Variants in ITGAL observed in about 807,000 individuals in gnomAD.
The protein encoded by ITGAL is integrin subunit alpha L, also known as integrin alpha-L.
Under a neutral mutation model 138.4 loss-of-function variants are expected in ITGAL, and 68 were observed. The observed-to-expected ratio is 0.49, with a 90% CI of 0.40 to 0.60. The LOEUF (loss-of-function observed/expected upper bound fraction) is 0.60. Ranked by LOEUF, ITGAL falls within the 20% of genes least tolerant of loss-of-function variation. The pLI, the probability that ITGAL is intolerant of heterozygous loss-of-function variation, is 0.00. For missense variants in ITGAL, 1,256 were observed against 1,478.6 expected, an observed-to-expected ratio of 0.85 and a Z score of 2.47; for synonymous variants, 561 against 584.3, an observed-to-expected ratio of 0.96 and a Z score of 0.57.
At chr16:30,474,029 G>A (rs969096946) in intron 1 of ITGAL, 167 bp from the exon 2 acceptor site, 10 of 697,650 alleles carry the variant, frequency 1.4e-5, no homozygotes, top group Non-Finnish European at 2.4e-5. Context: ...TAGGGGGGCC[G>A]GGAGTTGCTC....
Position 30,474,860 on chromosome 16 carries a change from C to CTT in ITGAL, c.165-433_165-432dup, listed in dbSNP as rs58194640. On this transcript the variant is annotated intron_variant, in intron 2 of 30. Coordinates refer to ENST00000356798, the MANE Select transcript of ITGAL (RefSeq NM_002209.3). Reference sequence around the variant, plus strand: ...GGAGGCATCTTCTTTTTTTTTTTTTCTTTTTTTTTTTTTTGAGAGGGAGTT... The same window carrying CTT: ...GGAGGCATCTTCTTTTTTTTTTTTTCTTTTTTTTTTTTTTTTGAGAGGGAGTT... Among the ~76,000 whole-genome samples the CTT allele has an allele frequency of 1.8e-3, 206 of 114,314 alleles. 3 individuals carry two copies. The highest frequency in any genetic ancestry group is 4.5e-3 in the East Asian group (18 of 4,012). The allele number at this position is 114,314 out of a possible 152,430, so 75.0% of individuals were successfully genotyped here.
chr16:30,474,955 T>C (rs1182733043), intron 2 of ITGAL, among the ~76,000 whole-genome samples: 1 of 149,090 alleles, frequency 6.7e-6, no homozygotes, highest in Non-Finnish European at 1.5e-5. Flanking sequence ...GCCTCCCAGG[T>C]TCAAGCCATT....
intron 21 of ITGAL, among the ~76,000 whole-genome samples, chr16:30,507,229 G>A (rs1238061323): frequency 1.3e-5 from 2 of 152,148 alleles, no homozygotes; most frequent in South Asian, 2.1e-4. Context: ...GGAGGCCGAG[G>A]CGGGCGGATC....
intron 22 of ITGAL, 152 bp downstream of exon 22, chr16:30,510,623 G>A: frequency 3.2e-6 from 2 of 633,756 alleles, no homozygotes; most frequent in Non-Finnish European, 2.8e-6. Flanking sequence ...AATCTGTTCT[G>A]TGTCATGTTT....
chr16:30,480,087 G>T (rs1385540718), intron 6 of ITGAL, among the ~76,000 whole-genome samples: 1 of 152,056 alleles, frequency 6.6e-6, no homozygotes, highest in Admixed American at 6.6e-5. Flanking sequence ...GTGCACCACT[G>T]TGCGTGGCTA....
chr16:30,513,937 C>T lies in ITGAL; in HGVS notation c.2862+91C>T, dbSNP rs1185980519. 7 of 925,558 alleles carry T rather than the reference C, an allele frequency of 7.6e-6. No individual in the cohort carries two copies. The East Asian group carries it at 9.9e-5, about 13-fold the overall frequency. 57.3% of individuals were successfully genotyped at this position (925,558 alleles called of 1,614,324 possible). ...ATGCAGGCACCAAGTAGACACAGTA[C>T]TCATCCTAGCCATCCAACTGTTCAA... On this transcript the variant is annotated intron_variant, in intron 25 of 30. Coordinates refer to ENST00000356798, the MANE Select transcript of ITGAL (RefSeq NM_002209.3).
rs11574943 is a variant in ITGAL, at chr16:30,496,018, C to T, written c.1504-79C>T. The T allele has an allele frequency of 4.5e-3, 5,470 of 1,212,804 alleles. 154 individuals carry two copies. In the African/African-American group the frequency reaches 0.067, roughly 15 times the overall value. The allele number at this position is 1,212,804 out of a possible 1,614,324, so 75.1% of individuals were successfully genotyped here. A position where few individuals can be genotyped will look rare whatever the true frequency, so the allele number is the denominator to read the frequency against. ...CTGTGAGGGACCCCATCTTACGTTT[C>T]TTTAGCATTCTTCACTCAGTTGTTC... On this transcript the variant is annotated intron_variant, in intron 13 of 30. Coordinates refer to ENST00000356798, the MANE Select transcript of ITGAL (RefSeq NM_002209.3).
chr16:30,489,423 G>A, intron 11 of ITGAL, 37 bp downstream of exon 11: 2 of 1,608,370 alleles, frequency 1.2e-6, no homozygotes, highest in Non-Finnish European at 1.7e-6. Context: ...TCTTCTGGTT[G>A]TTGAGGTCAG....
At chr16:30,513,925 G>GTACT in intron 25 of ITGAL, 79 bp downstream of exon 25, 1 of 1,035,448 alleles carries the variant, frequency 9.7e-7, no homozygotes, top group Non-Finnish European at 1.5e-6. Context: ...CAGGCACCAA[G>GTACT]TAGACACAGT....
chr16:30,493,422 G>A (rs1248059546), intron 11 of ITGAL, among the ~76,000 whole-genome samples: 1 of 151,646 alleles, frequency 6.6e-6, no homozygotes, highest in African/African-American at 2.4e-5. Context: ...GACTACAGGC[G>A]CCTACCACCA....
Position 30,494,280 on chromosome 16 carries a change from C to G in ITGAL, c.1282C>G (p.Gln428Glu), listed in dbSNP as rs200737227. Reference sequence around the variant, plus strand: ...GCTGGCCTCGGGAGCCCCTCGATACCAGCACATGGGCCGAGTGCTGCTGTT... The same window carrying G: ...GCTGGCCTCGGGAGCCCCTCGATACGAGCACATGGGCCGAGTGCTGCTGTT... ...SLLASGAPRY[Q>E]HMGRVLLFQE... is the part of the protein sequence containing the mutation. The change falls in exon 12 of 31, where the codon CAG becomes GAG. Residue 428 changes from glutamine (Q) to glutamate (E), a missense_variant. This residue lies in a region of ITGAL where 867 missense variants were observed against 972.5 expected (regional missense o/e 0.89). Transcript: ENST00000356798. This position sits in a 1 kb window ranked among gnomAD's most constrained non-coding sequence, Gnocchi z 4.2. 5.9e-5 allele frequency: 96 copies of G among 1,613,524 alleles called. 1 individual carries two copies. In the African/African-American group the frequency reaches 9.7e-4, roughly 16 times the overall value.
intron 9 of ITGAL, among the ~76,000 whole-genome samples, chr16:30,488,702 CAAAAAAAAAA>C (rs34533619): frequency 1.7e-5 from 1 of 57,692 alleles, no homozygotes; most frequent in South Asian, 7.9e-4. Context: ...GACTCCATCT[CAAAAAAAAAA>C]AAAAAAAAAA....
Position 30,518,678 on chromosome 16 carries a change from A to C in ITGAL, c.3187A>C (p.Lys1063Gln), listed in dbSNP as rs1471937036. ...SSLSISFNSS[K>Q]HFHLYGSNAS... is the part of the protein sequence containing the mutation. ...CCTCTCCATCTCCTTCAACAGCAGC[A>C]AGCATTTCCACCTCTATGGCAGCAA... is the stretch of plus-strand genomic sequence containing the variant. Residue 1063 changes from lysine to glutamine, a missense_variant, in exon 29 of 31, where the codon AAG becomes CAG. Lys to Gln is a moderately conservative substitution (Grantham distance 53). This residue lies in a region of ITGAL where 867 missense variants were observed against 972.5 expected (regional missense o/e 0.89). Transcript: ENST00000356798. The C allele has an allele frequency of 6.2e-7, 1 of 1,613,988 alleles. No homozygotes were observed. Among genetic ancestry groups the C allele is most frequent in the Admixed American group, 1.7e-5 (1 of 59,998 alleles).
chr16:30,520,296 G>A (rs562810823), intron 30 of ITGAL, among the ~76,000 whole-genome samples: 48 of 152,254 alleles, frequency 3.2e-4, no homozygotes, highest in African/African-American at 1.1e-3. Context: ...TTAGGGGGAC[G>A]TGATGCTACC....
chr16:30,496,592 C>T, intron 15 of ITGAL, 26 bp downstream of exon 15: 1 of 1,591,654 alleles, frequency 6.3e-7, no homozygotes, highest in Non-Finnish European at 8.5e-7. Flanking sequence ...CAGGTCACAC[C>T]TGATGACCCC....
intron 4 of ITGAL, 129 bp downstream of exon 4, chr16:30,475,709 T>C: frequency 2.9e-6 from 2 of 692,332 alleles, no homozygotes; most frequent in Non-Finnish European, 5.1e-6. Flanking sequence ...AATTAGTGTT[T>C]ATTGAGAACC....
At chr16:30,518,008 T>A in intron 28 of ITGAL, 113 bp downstream of exon 28, 1 of 799,072 alleles carries the variant, frequency 1.3e-6, no homozygotes, top group South Asian at 1.4e-5. Context: ...TCCATCTTGA[T>A]GAAAAATCCC....
intron 17 of ITGAL, among the ~76,000 whole-genome samples, chr16:30,501,833 C>G (rs1035277533): frequency 6.6e-6 from 1 of 151,976 alleles, no homozygotes; most frequent in Admixed American, 6.6e-5. Context: ...GAGTTCAACA[C>G]CAGCCTGGGC....
At chr16:30,477,776 T>C (rs2050492164) in intron 4 of ITGAL, among the ~76,000 whole-genome samples, 1 of 150,328 alleles carries the variant, frequency 6.7e-6, no homozygotes, top group Admixed American at 6.6e-5. Context: ...GTCCCAGCTA[T>C]TTGGGAGGCT....
Sources: allele counts gnomAD v4.1 joint callset (sites outside exome capture counted in the v4.1 genomes callset), GRCh38; gene constraint gnomAD v4.1.1; regional missense constraint gnomAD v4.1.1; non-coding constraint Gnocchi (gnomAD v3.1); transcripts MANE v1.5; gene names NCBI Gene and HGNC (gene_info 2026-07-23, HGNC 2026-07-21).